KIAA0930: variants seen among roughly 807,000 people sequenced by gnomAD.
KIAA0930 encodes KIAA0930, also known as uncharacterized protein KIAA0930.
Under a neutral mutation model 43.9 loss-of-function variants are expected in KIAA0930, and 24 were observed. The observed-to-expected ratio is 0.55, with a 90% confidence interval of 0.40 to 0.77. KIAA0930 has a LOEUF of 0.77. KIAA0930 is among the 30% of genes least tolerant of loss of function. The probability of loss-of-function intolerance (pLI) is 0.00; values close to 1 mark genes in which losing one functional copy is unlikely to be tolerated. For missense variants in KIAA0930, 461 were observed against 574.2 expected (o/e 0.80, Z 2.02); for synonymous variants, 259 against 216.4 (o/e 1.20, Z -1.73).
intron 1 of KIAA0930, among the ~76,000 whole-genome samples, chr22:45,239,550 T>C (rs1268255338): frequency 6.6e-6 from 1 of 151,992 alleles, no homozygotes; most frequent in African/African-American, 2.4e-5. Context: ...GGATTCAAAT[T>C]TACTTCCTCT....
chr22:45,198,033 G>A (rs1270159802), intron 8 of KIAA0930, 85 bp from the exon 9 acceptor site: 1 of 1,411,272 alleles, frequency 7.1e-7, no homozygotes, highest in Admixed American at 1.8e-5. Context: ...TCCAGGCTGA[G>A]GCCAAACTCT....
chr22:45,228,913 A>G (rs146090956), intron 1 of KIAA0930, among the ~76,000 whole-genome samples: 5 of 16,176 alleles, frequency 3.1e-4, no homozygotes, highest in South Asian at 4.0e-3. Flanking sequence ...ACTCACCCGA[A>G]AGATCCCTCT....
chr22:45,225,456 G>C (rs1601823105), intron 1 of KIAA0930, among the ~76,000 whole-genome samples: 1 of 152,170 alleles, frequency 6.6e-6, no homozygotes, highest in East Asian at 1.9e-4. Context: ...AGAAGTCCAG[G>C]CTCCCTTACC....
At chr22:45,212,239 C>G in intron 1 of KIAA0930, 132 bp from the exon 2 acceptor site, 1 of 1,612,668 alleles carries the variant, frequency 6.2e-7, no homozygotes, top group South Asian at 1.1e-5. Flanking sequence ...ATGCGCCACC[C>G]TTCCCTCACC....
chr22:45,240,390 G>T (rs2083909548), intron 1 of KIAA0930, among the ~76,000 whole-genome samples: 1 of 152,230 alleles, frequency 6.6e-6, no homozygotes, highest in African/African-American at 2.4e-5. Context: ...GACTGACAGG[G>T]GGAGACGCCG....
At chr22:45,217,295 A>T (rs2083739215) in intron 1 of KIAA0930, among the ~76,000 whole-genome samples, 1 of 142,988 alleles carries the variant, frequency 7.0e-6, no homozygotes, top group Non-Finnish European at 1.5e-5. Context: ...CGGGAGGCGG[A>T]AGTTGCAGTG....
At chr22:45,232,544 C>T (rs1724701702) in intron 1 of KIAA0930, among the ~76,000 whole-genome samples, 1 of 152,024 alleles carries the variant, frequency 6.6e-6, no homozygotes, top group Middle Eastern at 3.2e-3. Flanking sequence ...CTCTGAGTCT[C>T]CCCTGTCTGT....
At chr22:45,204,635 C>T (rs2083619439) in intron 5 of KIAA0930, among the ~76,000 whole-genome samples, 1 of 152,066 alleles carries the variant, frequency 6.6e-6, no homozygotes, top group Non-Finnish European at 1.5e-5. Context: ...CGCACAAGGA[C>T]CCCGACCAGG....
chr22:45,194,221 C>G lies in KIAA0930; in HGVS notation c.*2955G>C, dbSNP rs748430419. On this transcript the variant is annotated 3_prime_UTR_variant, in exon 10 of 10. Coordinates refer to ENST00000336156, the MANE Select transcript of KIAA0930 (RefSeq NM_001009880.2). ...TTCCGAGTAGCTGGGATTACAGGTG[C>G]CTGCCACCATGTCCAGCTAATTTTT... 2 of 151,870 alleles carry G rather than the reference C, an allele frequency of 1.3e-5. No individual in the cohort carries two copies. Among genetic ancestry groups the G allele is most frequent in the Non-Finnish European group, 2.9e-5 (2 of 67,994 alleles). 9.4% of individuals were successfully genotyped at this position (151,870 alleles called of 1,614,324 possible). A position where few individuals can be genotyped will look rare whatever the true frequency, so the allele number is the denominator to read the frequency against.
chr22:45,219,859 G>A, intron 1 of KIAA0930, among the ~76,000 whole-genome samples: 1 of 151,980 alleles, frequency 6.6e-6, no homozygotes, highest in Admixed American at 6.6e-5. Flanking sequence ...CAAAGTGCTG[G>A]GATTACAGGT....
chr22:45,205,081 C>T, intron 5 of KIAA0930, 136 bp downstream of exon 5: 1 of 685,962 alleles, frequency 1.5e-6, no homozygotes, highest in South Asian at 1.7e-5. Context: ...GAGAGAGCCA[C>T]ATCTGCCTCA....
chr22:45,221,183 T>C (rs2083765488), intron 1 of KIAA0930, among the ~76,000 whole-genome samples: 1 of 152,232 alleles, frequency 6.6e-6, no homozygotes, highest in African/African-American at 2.4e-5. Context: ...AGCTTGATTT[T>C]TCTCCACAGC....
intron 1 of KIAA0930, among the ~76,000 whole-genome samples, chr22:45,219,779 A>T (rs1379157926): frequency 6.6e-6 from 1 of 151,896 alleles, no homozygotes; most frequent in Non-Finnish European, 1.5e-5. Flanking sequence ...TTTGGTAGAG[A>T]CAGGTTTCAC....
intron 2 of KIAA0930, among the ~76,000 whole-genome samples, chr22:45,208,219 A>G (rs1299986008): frequency 2.6e-5 from 4 of 151,906 alleles, no homozygotes; most frequent in Non-Finnish European, 4.4e-5. Context: ...CACCTGTGTC[A>G]ACAGGCATGA....
In KIAA0930 at chr22:45,206,785, G is replaced by A. The variant is rs139679230; in HGVS notation, c.217-873C>T. Among the ~76,000 whole-genome samples the A allele has an allele frequency of 1.3e-3, 191 of 149,002 alleles. 2 individuals carry two copies. Among genetic ancestry groups the A allele is most frequent in the South Asian group, 0.012 (56 of 4,740 alleles). ...CACATCTTGGCTCACTGCAGTCTCC[G>A]CCTCCTGGATTCTAATGATTCTCCT... On this transcript the variant is annotated intron_variant, in intron 2 of 9. Transcript: ENST00000336156.
At position 45,195,782 on chromosome 22, in the gene KIAA0930, T is replaced by A. The variant is rs1420119090; in HGVS notation, c.*1394A>T. On this transcript the variant is annotated 3_prime_UTR_variant, in exon 10 of 10. Transcript: ENST00000336156. Reference sequence around the variant, plus strand: ...CTTGAACCCTGGGACTTCAGTGAGGTAGGTGGTATCAGCCCCATTTCACAG... The same window carrying A: ...CTTGAACCCTGGGACTTCAGTGAGGAAGGTGGTATCAGCCCCATTTCACAG... The A allele has an allele frequency of 6.6e-6, 1 of 152,368 alleles. No homozygotes were observed. The highest frequency in any genetic ancestry group is 1.5e-5 in the Non-Finnish European group (1 of 68,020). 9.4% of individuals were successfully genotyped at this position (152,368 alleles called of 1,614,324 possible).
chr22:45,216,276 C>G (rs2083732055), intron 1 of KIAA0930, among the ~76,000 whole-genome samples: 2 of 152,210 alleles, frequency 1.3e-5, no homozygotes, highest in African/African-American at 4.8e-5. Flanking sequence ...GCCAACCTCT[C>G]TGACCCTCAG....
chr22:45,226,748 G>A (rs78366424), intron 1 of KIAA0930: 2,121 of 156,704 alleles, frequency 0.014, 52 homozygotes, highest in African/African-American at 0.051. Flanking sequence ...ACCACTTCCT[G>A]AGTAATTTCT....
chr22:45,201,494 G>A lies in KIAA0930; in HGVS notation c.853-1459C>T, dbSNP rs115125276. ...CAGGCTGTGGCTGGAGGTGGCACCCGGGTTTGTCCAGCCCAGAGCTCGGGC... is the reference window on the plus strand; with the variant it reads ...CAGGCTGTGGCTGGAGGTGGCACCCAGGTTTGTCCAGCCCAGAGCTCGGGC... On this transcript the variant is annotated intron_variant, in intron 7 of 9. Coordinates refer to ENST00000336156, the MANE Select transcript of KIAA0930 (RefSeq NM_001009880.2). 3.6e-3 allele frequency among the ~76,000 whole-genome samples: 542 copies of A among 152,316 alleles called. 2 individuals are homozygous for A. Among genetic ancestry groups the A allele is most frequent in the African/African-American group, 0.012 (506 of 41,576 alleles).
Sources: allele counts gnomAD v4.1 joint callset (sites outside exome capture counted in the v4.1 genomes callset), GRCh38; gene constraint gnomAD v4.1.1; transcripts MANE v1.5; gene names NCBI Gene and HGNC (gene_info 2026-07-23, HGNC 2026-07-21).